The following ADGRE1 variants were observed in gnomAD, a reference collection of about 807,000 sequenced individuals.
ADGRE1 encodes EGF-like module receptor 1.
In ADGRE1, 82 loss-of-function variants were observed where a neutral mutation model predicts 102.7. The ratio of observed to expected loss-of-function variants is 0.80; its 90% CI spans 0.67 to 0.96. The LOEUF is 0.96. Among genes scored for constraint, ADGRE1 ranks in the 40% least tolerant of loss-of-function variants. The pLI, the probability that ADGRE1 is intolerant of heterozygous loss-of-function variation, is 0.00. For synonymous variants in ADGRE1, 398 were observed against 399.6 expected, an observed-to-expected ratio of 1.00 and a Z score of 0.05; for missense variants, 1,032 against 1,085.3, an observed-to-expected ratio of 0.95 and a Z score of 0.69.
intron 13 of ADGRE1, among the ~76,000 whole-genome samples, chr19:6,921,229 C>T (rs1243687622): frequency 6.6e-6 from 1 of 152,182 alleles, no homozygotes; most frequent in South Asian, 2.1e-4. Context: ...CAATACTGGT[C>T]TGGCCAACAT....
chr19:6,899,124 T>A (rs779489310), intron 5 of ADGRE1, among the ~76,000 whole-genome samples: 6 of 152,218 alleles, frequency 3.9e-5, no homozygotes, highest in South Asian at 4.1e-4. Flanking sequence ...GAACTCCTGC[T>A]GAGGACCTAC....
chr19:6,908,886 C>A, intron 10 of ADGRE1, 114 bp downstream of exon 10: 1 of 928,872 alleles, frequency 1.1e-6, no homozygotes, highest in South Asian at 1.7e-5. Context: ...ATAATCCCAG[C>A]ACTTTGGGAG....
chr19:6,928,104 ACT>A (rs1204167146), intron 16 of ADGRE1, 39 bp from the exon 17 acceptor site: 7 of 1,598,178 alleles, frequency 4.4e-6, no homozygotes, highest in Non-Finnish European at 6.0e-6. Context: ...TAAGGTCAGG[ACT>A]CTGAGACAAG....
Position 6,919,620 on chromosome 19 carries a change from A to G in ADGRE1, c.1493A>G (p.His498Arg). The change falls in exon 13 of 21, where the codon CAC becomes CGC. Residue 498 changes from histidine to arginine, a missense_variant. Coordinates refer to ENST00000312053, the MANE Select transcript of ADGRE1 (RefSeq NM_001974.5). ...SVLNERFFKDHQAPLTTSEIK... is the reference protein window; with the variant it reads ...SVLNERFFKDRQAPLTTSEIK... ...TTAAATGAGCGCTTCTTCAAAGACC[A>G]CCAGGCTCCCTTGACCACCTCTGAG... 3 of 1,613,644 alleles carry G rather than the reference A, an allele frequency of 1.9e-6. No individual in the cohort carries two copies. The highest frequency in any genetic ancestry group is 1.1e-5 in the South Asian group (1 of 91,048).
intron 20 of ADGRE1, 91 bp from the exon 21 acceptor site, chr19:6,939,933 T>C (rs2145051020): frequency 7.3e-7 from 1 of 1,375,850 alleles, no homozygotes; most frequent in Non-Finnish European, 1.0e-6. Context: ...ACTGTATTTT[T>C]AATACTTCTG....
chr19:6,897,782 A>T (rs968622093), intron 5 of ADGRE1: 5 of 293,664 alleles, frequency 1.7e-5, no homozygotes, highest in African/African-American at 4.4e-5. Flanking sequence ...TTTTTAAAAA[A>T]TTTTTTATCT....
At chr19:6,902,960 G>A (rs1057489066) in intron 6 of ADGRE1, among the ~76,000 whole-genome samples, 6 of 152,164 alleles carry the variant, frequency 3.9e-5, no homozygotes, top group Non-Finnish European at 8.8e-5. Flanking sequence ...AGGGTTCTTG[G>A]CTTTGCCCAG....
chr19:6,889,581 C>T (rs1973276421), intron 1 of ADGRE1, among the ~76,000 whole-genome samples: 1 of 145,024 alleles, frequency 6.9e-6, no homozygotes, highest in Non-Finnish European at 1.5e-5. Context: ...CCCAGCTACT[C>T]GGGAGGCTGA....
At chr19:6,934,155 G>A (rs1975282829) in intron 17 of ADGRE1, among the ~76,000 whole-genome samples, 1 of 152,100 alleles carries the variant, frequency 6.6e-6, no homozygotes, top group African/African-American at 2.4e-5. Context: ...AAAAGAGAAG[G>A]CTACAGGTAA....
At position 6,897,152 on chromosome 19, in the gene ADGRE1, T is replaced by A; in HGVS notation, c.242T>A (p.Ile81Asn). 6.2e-7 allele frequency: 1 copy of A among 1,610,078 alleles called. No homozygotes were observed. Among genetic ancestry groups the A allele is most frequent in the East Asian group, 2.2e-5 (1 of 44,748 alleles). ...GTAACTCCAATTCTCTGTCTAGATA[T>A]TGATGAATGTTCTCAAAGCCCCCAG... The part of the protein sequence containing the change: ...FKDPGVRCKD[I>N]DECSQSPQPC... Residue 81 changes from isoleucine to asparagine, a missense_variant, in exon 4 of 21, where the codon ATT becomes AAT. Physicochemically the swap from Ile to Asn is moderately radical, Grantham distance 149 (BLOSUM62 -3). Transcript: ENST00000312053.
At chr19:6,911,552 A>G (rs982110668) in intron 10 of ADGRE1, among the ~76,000 whole-genome samples, 1 of 151,860 alleles carries the variant, frequency 6.6e-6, no homozygotes, top group East Asian at 1.9e-4. Flanking sequence ...TAAGAGGTAG[A>G]TAAGTATCTT....
chr19:6,936,898 C>T (rs145283225), intron 18 of ADGRE1, among the ~76,000 whole-genome samples: 551 of 152,282 alleles, frequency 3.6e-3, no homozygotes, highest in African/African-American at 0.013. Flanking sequence ...GCTGGGATTA[C>T]AAGCACCCAC....
Position 6,913,661 on chromosome 19 carries a change from T to A in ADGRE1, c.1131T>A (p.Thr377=). The change falls in exon 11 of 21, where the codon ACT becomes ACA. Residue 377 remains threonine, a synonymous_variant. Transcript: ENST00000312053. Reference sequence around the variant, plus strand: ...CACATCTTTCCTTGCAGAATACAACTGAGAGCTTTGTCCCTGTGCTTAAAC... The same window carrying A: ...CACATCTTTCCTTGCAGAATACAACAGAGAGCTTTGTCCCTGTGCTTAAAC... The part of the protein sequence containing the change: ...KTTVVSLKNT[T]ESFVPVLKQI... The A allele has an allele frequency of 6.2e-7, 1 of 1,601,556 alleles. No individual in the cohort carries two copies. Among genetic ancestry groups the A allele is most frequent in the Non-Finnish European group, 8.5e-7 (1 of 1,172,898 alleles).
chr19:6,890,447 T>C, intron 1 of ADGRE1, 34 bp from the exon 2 acceptor site: 1 of 896,028 alleles, frequency 1.1e-6, no homozygotes, highest in Non-Finnish European at 1.5e-6. Flanking sequence ...TTTTTTTTGG[T>C]GGTTCATGGT....
intron 2 of ADGRE1, among the ~76,000 whole-genome samples, chr19:6,893,645 C>T (rs1973456075): frequency 6.6e-6 from 1 of 152,224 alleles, no homozygotes; most frequent in East Asian, 1.9e-4. Flanking sequence ...CTCTGCTGCT[C>T]TCCAGCAGAT....
In ADGRE1 at chr19:6,919,718, C is replaced by A. The variant is rs769712870; in HGVS notation, c.1591C>A (p.Pro531Thr). ...TGEKKDGFSD[P>T]IIYTLENIQP... ...AGAGAAGAAAGACGGCTTCTCAGAT[C>A]CAATCATCTACACTCTGGAGAACAT... The change falls in exon 13 of 21, where the codon CCA becomes ACA. Residue 531 changes from proline (P) to threonine (T), a missense_variant. Physicochemically the swap from Pro to Thr is conservative, Grantham distance 38. Coordinates refer to ENST00000312053, the MANE Select transcript of ADGRE1 (RefSeq NM_001974.5). The A allele has an allele frequency of 1.9e-6, 3 of 1,612,890 alleles. No homozygotes were observed. Among genetic ancestry groups the A allele is most frequent in the Non-Finnish European group, 2.5e-6 (3 of 1,179,612 alleles).
intron 13 of ADGRE1, among the ~76,000 whole-genome samples, chr19:6,920,411 G>A (rs184777235): frequency 0.011 from 1,718 of 151,238 alleles, 23 homozygotes; most frequent in Non-Finnish European, 0.018. Context: ...AGTGCAGACG[G>A]GGTTTCACCA....
At position 6,897,233 on chromosome 19, in the gene ADGRE1, G is replaced by C; in HGVS notation, c.323G>C (p.Cys108Ser). ...CTGTCAGGGAGGTACAAGTGCAGCT[G>C]TTTAGATGGTTTCTCTTCTCCCACT... ...KNLSGRYKCS[C>S]LDGFSSPTGN... The change falls in exon 4 of 21, where the codon TGT becomes TCT. Residue 108 changes from cysteine (C) to serine (S), a missense_variant. Physicochemically the swap from Cys to Ser is moderately radical, Grantham distance 112. Coordinates refer to ENST00000312053, the MANE Select transcript of ADGRE1 (RefSeq NM_001974.5). 5.0e-6 allele frequency: 8 copies of C among 1,613,880 alleles called. No individual in the cohort carries two copies. The highest frequency in any genetic ancestry group is 6.8e-6 in the Non-Finnish European group (8 of 1,179,996).
chr19:6,912,861 T>C (rs2144948747), intron 10 of ADGRE1, among the ~76,000 whole-genome samples: 1 of 152,346 alleles, frequency 6.6e-6, no homozygotes, highest in East Asian at 1.9e-4. Flanking sequence ...TGTCAAAGGG[T>C]ATATGCAATT....
Sources: allele counts gnomAD v4.1 joint callset (sites outside exome capture counted in the v4.1 genomes callset), GRCh38; gene constraint gnomAD v4.1.1; transcripts MANE v1.5; gene names NCBI Gene and HGNC (gene_info 2026-07-23, HGNC 2026-07-21).